The following FHIP1A variants were observed in gnomAD, a reference collection of about 807,000 sequenced individuals.
FHIP1A encodes FHF complex subunit HOOK interacting protein 1A, also known as FHF complex subunit HOOK-interacting protein 1A.
In FHIP1A, 61 loss-of-function variants were observed where a neutral mutation model predicts 88.6. That is an observed-to-expected ratio of 0.69 (90% confidence interval 0.56 to 0.85). The LOEUF (loss-of-function observed/expected upper bound fraction) is 0.85, where lower values mean the gene tolerates loss of function less well. FHIP1A is among the 40% of genes least tolerant of loss of function. The pLI, the probability that FHIP1A is intolerant of heterozygous loss-of-function variation, is 0.00. For missense variants in FHIP1A, 1,154 were observed against 1,273.5 expected (o/e 0.91, Z 1.43); for synonymous variants, 478 against 496.0 (o/e 0.96, Z 0.48).
chr4:151,510,375 C>A (rs1356910607), intron 3 of FHIP1A, among the ~76,000 whole-genome samples: 1 of 152,166 alleles, frequency 6.6e-6, no homozygotes, highest in African/African-American at 2.4e-5. Flanking sequence ...TCTCAAAGTG[C>A]TGGGATTTAT....
At chr4:151,410,907 T>G (rs1364780608) in intron 1 of FHIP1A, among the ~76,000 whole-genome samples, 1 of 152,356 alleles carries the variant, frequency 6.6e-6, no homozygotes, top group Non-Finnish European at 1.5e-5. Flanking sequence ...TGGGGTCCTA[T>G]TTATCATTTG....
chr4:151,542,517 T>C (rs1305978015), intron 3 of FHIP1A, among the ~76,000 whole-genome samples: 1 of 152,204 alleles, frequency 6.6e-6, no homozygotes, highest in East Asian at 1.9e-4. Context: ...ATTCTCTCTC[T>C]CTCTCAACAG....
chr4:151,559,314 T>G (rs1304998113), intron 3 of FHIP1A, among the ~76,000 whole-genome samples: 1 of 152,174 alleles, frequency 6.6e-6, no homozygotes, highest in Non-Finnish European at 1.5e-5. Context: ...TTTTGTTAAA[T>G]AAAAAATGTT....
chr4:151,459,143 T>C (rs1729063543), intron 2 of FHIP1A, among the ~76,000 whole-genome samples: 1 of 152,020 alleles, frequency 6.6e-6, no homozygotes, highest in Non-Finnish European at 1.5e-5. Context: ...GCTGCTTGCA[T>C]AAACCTCACA....
At chr4:151,558,731 C>T (rs952065055) in intron 3 of FHIP1A, among the ~76,000 whole-genome samples, 1 of 152,166 alleles carries the variant, frequency 6.6e-6, no homozygotes, top group Admixed American at 6.5e-5. Context: ...TGTTGAGAAC[C>T]ATTGAGGCTC....
chr4:151,507,348 C>G (rs962895390), intron 3 of FHIP1A, among the ~76,000 whole-genome samples: 1 of 152,114 alleles, frequency 6.6e-6, no homozygotes, highest in Non-Finnish European at 1.5e-5. Context: ...AGTCTCCAAC[C>G]CCTGGGCTCA....
At chr4:151,584,452 C>T (rs1241333641) in intron 5 of FHIP1A, among the ~76,000 whole-genome samples, 1 of 152,134 alleles carries the variant, frequency 6.6e-6, no homozygotes, top group East Asian at 1.9e-4. Context: ...TTTAACATAC[C>T]TAGGCCCACA....
intron 7 of FHIP1A, among the ~76,000 whole-genome samples, chr4:151,607,955 C>T (rs748616208): frequency 5.3e-5 from 8 of 151,034 alleles, no homozygotes; most frequent in Non-Finnish European, 1.2e-4. Flanking sequence ...CTTGTTGCTC[C>T]TTAACATACT....
chr4:151,651,992 C>T (rs913395840), intron 11 of FHIP1A, among the ~76,000 whole-genome samples: 2 of 152,072 alleles, frequency 1.3e-5, no homozygotes, highest in Non-Finnish European at 2.9e-5. Context: ...TGGAAGAGTT[C>T]GCTTGAAGGG....
At chr4:151,581,349 T>C (rs1734019339) in intron 5 of FHIP1A, among the ~76,000 whole-genome samples, 1 of 152,162 alleles carries the variant, frequency 6.6e-6, no homozygotes, top group Non-Finnish European at 1.5e-5. Context: ...CTATTTGTAA[T>C]TTTTATTGTT....
At chr4:151,578,636 T>C (rs28602726) in intron 5 of FHIP1A, among the ~76,000 whole-genome samples, 48,457 of 151,970 alleles carry the variant, frequency 0.32, 7,759 homozygotes, top group Non-Finnish European at 0.33. Flanking sequence ...AACTCTCATT[T>C]GTTGCTGATG....
intron 7 of FHIP1A, among the ~76,000 whole-genome samples, chr4:151,590,310 A>G (rs1734375920): frequency 6.6e-6 from 1 of 152,166 alleles, no homozygotes; most frequent in African/African-American, 2.4e-5. Context: ...TGTCATTATT[A>G]TAATAGTGAT....
intron 9 of FHIP1A, among the ~76,000 whole-genome samples, chr4:151,641,567 G>A (rs1388635978): frequency 2.6e-5 from 4 of 152,068 alleles, no homozygotes; most frequent in Admixed American, 6.6e-5. Flanking sequence ...GCTATCATTA[G>A]TGCTAGTGTA....
In FHIP1A at chr4:151,650,561, T is replaced by C. The variant is rs923521285; in HGVS notation, c.2520T>C (p.His840=). Residue 840 remains histidine (H), a synonymous_variant, in exon 11 of 14, where the codon CAT becomes CAC. Transcript: ENST00000435205. Reference sequence around the variant, plus strand: ...ATGAGGCTGCCTTTGCCAGTCGCCATCCCGTGAGGACTCAAAGCACCCCAT... The same window carrying C: ...ATGAGGCTGCCTTTGCCAGTCGCCACCCCGTGAGGACTCAAAGCACCCCAT... ...GRDEAAFASR[H]PVRTQSTPFT... is the part of the protein sequence containing the mutation. 3 of 1,551,036 alleles carry C rather than the reference T, an allele frequency of 1.9e-6. No individual in the cohort carries two copies. The African/African-American group carries it at 4.1e-5, about 21-fold the overall frequency.
chr4:151,467,257 A>T (rs1336744586), intron 2 of FHIP1A, among the ~76,000 whole-genome samples: 1 of 152,246 alleles, frequency 6.6e-6, no homozygotes, highest in Non-Finnish European at 1.5e-5. Context: ...AGAAATGCAA[A>T]TCAAAACCAC....
intron 13 of FHIP1A, among the ~76,000 whole-genome samples, chr4:151,658,540 A>T (rs528542081): frequency 6.6e-6 from 1 of 152,316 alleles, no homozygotes; most frequent in East Asian, 1.9e-4. Context: ...TGAGAGCAGA[A>T]GCATAGAAAA....
Position 151,541,331 on chromosome 4 carries a change from A to C in FHIP1A, c.-122-24807A>C, listed in dbSNP as rs75570235. ...GCATTAAGTTGAGAGTGGGAATGTTAATGCAGGCATAATGGAGTAAAATTG... is the reference window on the plus strand; with the variant it reads ...GCATTAAGTTGAGAGTGGGAATGTTCATGCAGGCATAATGGAGTAAAATTG... On this transcript the variant is annotated intron_variant, in intron 3 of 13. Coordinates refer to ENST00000435205, the MANE Select transcript of FHIP1A (RefSeq NM_001109977.3). Among the ~76,000 whole-genome samples the C allele has an allele frequency of 4.3e-3, 661 of 152,324 alleles. 1 individual carries two copies. Among genetic ancestry groups the C allele is most frequent in the Non-Finnish European group, 7.2e-3 (489 of 68,026 alleles).
intron 1 of FHIP1A, among the ~76,000 whole-genome samples, chr4:151,443,954 G>A (rs1728502237): frequency 6.6e-6 from 1 of 151,970 alleles, no homozygotes; most frequent in Admixed American, 6.6e-5. Flanking sequence ...GGAGAGATGG[G>A]AGTGCTAACT....
intron 3 of FHIP1A, among the ~76,000 whole-genome samples, chr4:151,540,715 T>A (rs1317076766): frequency 6.6e-6 from 1 of 152,168 alleles, no homozygotes; most frequent in African/African-American, 2.4e-5. Flanking sequence ...ACAGTCAGCT[T>A]ATATGGCCAA....
Sources: gnomAD v4.1 joint callset for allele counts (sites outside exome capture counted in the v4.1 genomes callset) on GRCh38, gnomAD v4.1.1 for gene constraint, MANE v1.5 for transcripts, NCBI Gene and HGNC (gene_info 2026-07-23, HGNC 2026-07-21) for gene names.